Variants in RORA observed in about 807,000 individuals in gnomAD.
RORA encodes RAR related orphan receptor A, also known as nuclear receptor ROR-alpha.
A neutral mutation model predicts 69.5 loss-of-function variants in RORA; 7 were observed. The observed-to-expected ratio is 0.10, with a 90% confidence interval of 0.06 to 0.19. RORA has a LOEUF of 0.19. Ranked by LOEUF, RORA falls within the 10% of genes least tolerant of loss-of-function variation. The pLI is 1.00. For synonymous variants in RORA, 261 were observed against 240.8 expected (o/e 1.08, Z -0.78); for missense variants, 457 against 663.0 (o/e 0.69, Z 3.41).
intron 1 of RORA, among the ~76,000 whole-genome samples, chr15:61,157,451 A>G (rs1042403132): frequency 2.0e-5 from 3 of 152,202 alleles, no homozygotes; most frequent in Non-Finnish European, 4.4e-5. Flanking sequence ...TATAGTGAAT[A>G]TGAAACTACA....
chr15:60,740,801 C>G (rs1424060506), intron 1 of RORA, among the ~76,000 whole-genome samples: 1 of 152,214 alleles, frequency 6.6e-6, no homozygotes, highest in African/African-American at 2.4e-5. Context: ...GCCTCTCTCT[C>G]TCTCTCACAG....
At chr15:60,991,981 A>G (rs907682033) in intron 1 of RORA, among the ~76,000 whole-genome samples, 2 of 152,212 alleles carry the variant, frequency 1.3e-5, no homozygotes, top group African/African-American at 4.8e-5. Flanking sequence ...ATGTCTAACA[A>G]TAAGAAATAA....
chr15:61,040,155 TATATATATAA>T (rs1239583539), intron 1 of RORA, among the ~76,000 whole-genome samples: 2 of 116,870 alleles, frequency 1.7e-5, no homozygotes, highest in Admixed American at 8.2e-5. Context: ...TATATATATA[TATATATATAA>T]AATATATGAA....
chr15:61,019,590 G>A (rs1415438471), intron 1 of RORA, among the ~76,000 whole-genome samples: 2 of 152,060 alleles, frequency 1.3e-5, no homozygotes, highest in Non-Finnish European at 1.5e-5. Context: ...GTTGTTCTGG[G>A]CTGGAAAAGT....
chr15:60,947,256 G>A (rs1279462471), intron 1 of RORA, among the ~76,000 whole-genome samples: 1 of 152,240 alleles, frequency 6.6e-6, no homozygotes, highest in Non-Finnish European at 1.5e-5. Flanking sequence ...TAGAAAAGGG[G>A]GAAATGTGGG....
At chr15:60,560,595 G>A (rs536717957) in intron 2 of RORA, among the ~76,000 whole-genome samples, 4 of 152,328 alleles carry the variant, frequency 2.6e-5, no homozygotes, top group Admixed American at 6.5e-5. Flanking sequence ...GCTACTGGTC[G>A]GGGAGAGGGG....
intron 1 of RORA, among the ~76,000 whole-genome samples, chr15:60,859,768 G>A (rs1595772327): frequency 2.6e-5 from 4 of 151,108 alleles, no homozygotes; most frequent in Admixed American, 6.6e-5. Flanking sequence ...CACCAGAACA[G>A]GGTGGGGTGG....
rs1303389761 is a variant in RORA, at chr15:60,597,595, C to CATATATATATATATATATATAT, written c.197-65745_197-65744insATATATATATATATATATATAT. Reference sequence around the variant, plus strand: ...ATATACACATATATATATATATATACACATATATATATATATATATATACA... The same window carrying CATATATATATATATATATATAT: ...ATATACACATATATATATATATATACATATATATATATATATATATATACATATATATATATATATATATACA... On this transcript the variant is annotated intron_variant, in intron 2 of 10. Coordinates refer to ENST00000335670, the MANE Select transcript of RORA (RefSeq NM_134261.3). Among the ~76,000 whole-genome samples the CATATATATATATATATATATAT allele has an allele frequency of 2.3e-4, 7 of 30,416 alleles. 1 individual carries two copies. The highest frequency in any genetic ancestry group is 7.8e-4 in the African/African-American group (6 of 7,728). The allele number at this position is 30,416 out of a possible 152,430, so 20.0% of individuals were successfully genotyped here.
intron 1 of RORA, among the ~76,000 whole-genome samples, chr15:60,952,585 C>T (rs533681320): frequency 6.6e-5 from 10 of 152,258 alleles, no homozygotes; most frequent in African/African-American, 2.2e-4. Context: ...TAAGCAACTT[C>T]AGCAAAGTCT....
At chr15:60,949,512 G>A (rs918546331) in intron 1 of RORA, among the ~76,000 whole-genome samples, 1 of 152,206 alleles carries the variant, frequency 6.6e-6, no homozygotes, top group Non-Finnish European at 1.5e-5. Context: ...AGCAGCTGCT[G>A]TGTGTGGACA....
intron 1 of RORA, among the ~76,000 whole-genome samples, chr15:60,769,698 G>A (rs976541939): frequency 1.3e-5 from 2 of 151,842 alleles, no homozygotes; most frequent in East Asian, 1.9e-4. Flanking sequence ...GAATCACCTC[G>A]GAAAACTCAC....
At chr15:61,042,396 T>A (rs75668287) in intron 1 of RORA, among the ~76,000 whole-genome samples, 1 of 145,004 alleles carries the variant, frequency 6.9e-6, no homozygotes, top group Non-Finnish European at 1.5e-5. Context: ...CACACACACA[T>A]ACACACAAAC....
rs79542112 is a variant in RORA at position 60,771,704 on chromosome 15, A to T, written c.167-93018T>A. On this transcript the variant is annotated intron_variant, in intron 1 of 10. Transcript: ENST00000335670. ...TCATATACCTCATTAAAAACTTGAT[A>T]GCCAGGTTCATTTCCCATGGACAAG... is the stretch of plus-strand genomic sequence containing the variant. 6.5e-3 allele frequency among the ~76,000 whole-genome samples: 993 copies of T among 152,344 alleles called. 12 individuals carry two copies. The highest frequency in any genetic ancestry group is 0.022 in the African/African-American group (929 of 41,582).
intron 2 of RORA, among the ~76,000 whole-genome samples, chr15:60,563,990 G>A (rs2067648290): frequency 6.6e-6 from 1 of 151,932 alleles, no homozygotes; most frequent in Non-Finnish European, 1.5e-5. Context: ...GCCTTTCATG[G>A]GCTGCTTGAC....
chr15:61,072,578 T>C (rs1296576540), intron 1 of RORA, among the ~76,000 whole-genome samples: 3 of 152,238 alleles, frequency 2.0e-5, no homozygotes, highest in Non-Finnish European at 2.9e-5. Flanking sequence ...AACAAAACTT[T>C]AAAAGAACCC....
At chr15:60,695,130 T>C (rs79384475) in intron 1 of RORA, among the ~76,000 whole-genome samples, 1,952 of 127,460 alleles carry the variant, frequency 0.015, 38 homozygotes, top group African/African-American at 0.055. Context: ...CCTATGTATG[T>C]ATTCTAGTAC....
At chr15:61,107,312 T>C (rs1286067856) in intron 1 of RORA, among the ~76,000 whole-genome samples, 4 of 152,194 alleles carry the variant, frequency 2.6e-5, no homozygotes, top group Non-Finnish European at 5.9e-5. Context: ...AGTTTAAAAA[T>C]GATAGGTGGC....
chr15:60,568,261 A>G (rs770788584), intron 2 of RORA, among the ~76,000 whole-genome samples: 29 of 152,272 alleles, frequency 1.9e-4, no homozygotes, highest in Non-Finnish European at 3.2e-4. Flanking sequence ...TCTGCCAGAG[A>G]CAAGGGTTGC....
chr15:61,055,700 C>T (rs1194730688), intron 1 of RORA, among the ~76,000 whole-genome samples: 2 of 152,226 alleles, frequency 1.3e-5, no homozygotes, highest in Non-Finnish European at 2.9e-5. Context: ...ACTTTTATCA[C>T]ACATCAAAAT....
Sources: allele counts gnomAD v4.1 joint callset (sites outside exome capture counted in the v4.1 genomes callset), GRCh38; gene constraint gnomAD v4.1.1; transcripts MANE v1.5; gene names NCBI Gene and HGNC (gene_info 2026-07-23, HGNC 2026-07-21).